The following KAZN variants were observed in gnomAD, a reference collection of about 807,000 sequenced individuals.
KAZN encodes the protein kazrin, periplakin interacting protein.
A neutral mutation model predicts 87.4 loss-of-function variants in KAZN; 40 were observed. That is an observed-to-expected ratio of 0.46 (90% CI 0.36 to 0.60). The LOEUF is 0.60. Among genes scored for constraint, KAZN ranks in the 20% least tolerant of loss-of-function variants. The pLI, the probability that KAZN is intolerant of heterozygous loss-of-function variation, is 0.00. For synonymous variants in KAZN, 466 were observed against 458.3 expected, an observed-to-expected ratio of 1.02 and a Z score of -0.22; for missense variants, 898 against 1,073.9, an observed-to-expected ratio of 0.84 and a Z score of 2.29.
intron 8 of KAZN, among the ~76,000 whole-genome samples, chr1:15,079,801 G>A (rs1301034151): frequency 6.6e-6 from 1 of 152,224 alleles, no homozygotes; most frequent in South Asian, 2.1e-4. Context: ...GGCTTCGGCT[G>A]CACTTGCAAT....
At chr1:14,637,762 T>C (rs1394068714) in intron 1 of KAZN, among the ~76,000 whole-genome samples, 1 of 151,864 alleles carries the variant, frequency 6.6e-6, no homozygotes, top group Non-Finnish European at 1.5e-5. Context: ...AAAATATGTA[T>C]AGATGTACAT....
chr1:14,378,225 T>C (rs1224566493), intron 2 of KAZN, among the ~76,000 whole-genome samples: 1 of 152,174 alleles, frequency 6.6e-6, no homozygotes, highest in Non-Finnish European at 1.5e-5. Context: ...AATATGCTTA[T>C]CAGTAATGGG....
chr1:14,371,836 G>A (rs185082733), intron 2 of KAZN, among the ~76,000 whole-genome samples: 29 of 152,328 alleles, frequency 1.9e-4, no homozygotes, highest in Admixed American at 1.6e-3. Context: ...AGGCAAGGCA[G>A]GGATGCACTC....
intron 1 of KAZN, among the ~76,000 whole-genome samples, chr1:14,864,497 G>T (rs983704191): frequency 2.6e-5 from 4 of 152,214 alleles, no homozygotes; most frequent in Non-Finnish European, 4.4e-5. Context: ...GGGAGGTGGA[G>T]GTTGCAGTGA....
At chr1:15,063,346 G>A in intron 6 of KAZN, 1 of 579,234 alleles carries the variant, frequency 1.7e-6, no homozygotes, top group South Asian at 2.1e-5. Flanking sequence ...GGCCAGACTG[G>A]GCAGGAGAGG....
intron 1 of KAZN, among the ~76,000 whole-genome samples, chr1:13,907,665 C>T (rs1340545476): frequency 6.6e-6 from 1 of 152,182 alleles, no homozygotes; most frequent in African/African-American, 2.4e-5. Flanking sequence ...AATAGCCCTT[C>T]CACAAACAAC....
intron 3 of KAZN, among the ~76,000 whole-genome samples, chr1:15,043,206 A>G (rs111300934): frequency 0.028 from 4,307 of 152,320 alleles, 227 homozygotes; most frequent in African/African-American, 0.098. Flanking sequence ...ACCTTGTGGC[A>G]GTCCAGACAA....
At chr1:14,134,838 C>T (rs6692236) in intron 1 of KAZN, among the ~76,000 whole-genome samples, 3 of 151,784 alleles carry the variant, frequency 2.0e-5, no homozygotes, top group African/African-American at 7.3e-5. Context: ...GCAATAAAGA[C>T]GGAAAATGGA....
chr1:14,097,365 A>C (rs1644151745), intron 1 of KAZN, among the ~76,000 whole-genome samples: 1 of 152,216 alleles, frequency 6.6e-6, no homozygotes, highest in Admixed American at 6.5e-5. Flanking sequence ...CACAAAGTGA[A>C]AAGGCCATTG....
chr1:13,945,679 T>TGTG (rs1553177121), intron 1 of KAZN, among the ~76,000 whole-genome samples: 13 of 123,402 alleles, frequency 1.1e-4, no homozygotes, highest in South Asian at 8.5e-4. Context: ...TGCTCTCAGT[T>TGTG]TGTGTGTGTG....
chr1:14,558,012 G>A (rs115578432), intron 2 of KAZN, among the ~76,000 whole-genome samples: 1,584 of 152,306 alleles, frequency 0.01, 24 homozygotes, highest in African/African-American at 0.035. Context: ...AAACTCTGAT[G>A]TCCAAAGGGA....
chr1:14,095,585 G>C (rs906457476), intron 1 of KAZN, among the ~76,000 whole-genome samples: 1 of 152,080 alleles, frequency 6.6e-6, no homozygotes, highest in Non-Finnish European at 1.5e-5. Flanking sequence ...AAATGGCAGG[G>C]GGCTGGAATC....
At chr1:14,657,867 CCTG>C (rs1160633376) in intron 1 of KAZN, among the ~76,000 whole-genome samples, 1 of 152,164 alleles carries the variant, frequency 6.6e-6, no homozygotes, top group Non-Finnish European at 1.5e-5. Flanking sequence ...TTGTTAGTCT[CCTG>C]CTCCTAGTTT....
chr1:14,863,923 C>CA (rs1480934725), intron 1 of KAZN, among the ~76,000 whole-genome samples: 4 of 152,042 alleles, frequency 2.6e-5, no homozygotes, highest in African/African-American at 7.3e-5. Flanking sequence ...GAACTACAGC[C>CA]TGAGTTGGGG....
intron 1 of KAZN, among the ~76,000 whole-genome samples, chr1:14,698,679 G>A (rs1275595427): frequency 6.6e-6 from 1 of 152,194 alleles, no homozygotes; most frequent in Non-Finnish European, 1.5e-5. Flanking sequence ...TTTGTGTAAC[G>A]TCTACCTCTG....
Position 14,599,175 on chromosome 1 carries a change from G to T in KAZN, c.178G>T (p.Gly60Trp). 2 of 1,380,202 alleles carry T rather than the reference G, an allele frequency of 1.4e-6. No homozygotes were observed. The highest frequency in any genetic ancestry group is 1.9e-5 in the South Asian group (1 of 52,726). The allele number at this position is 1,380,202 out of a possible 1,614,324, so 85.5% of individuals were successfully genotyped here. ...AGCCGCGGCCAGCGCCTCGGCGGCG[G>T]GGGACTCGGCGGCGACGAACATGGA... ...PGAAASASAAGDSAATNMENP... is the reference protein window; with the variant it reads ...PGAAASASAAWDSAATNMENP... Residue 60 changes from glycine (G) to tryptophan (W), a missense_variant, in exon 1 of 15, where the codon GGG becomes TGG. Physicochemically the swap from Gly to Trp is radical, Grantham distance 184 (BLOSUM62 -2). Transcript: ENST00000376030. The surrounding 1 kb of genome is among the most constrained non-coding windows in gnomAD (Gnocchi z 4.4).
chr1:14,484,004 G>T (rs77296738), intron 2 of KAZN, among the ~76,000 whole-genome samples: 1 of 152,166 alleles, frequency 6.6e-6, no homozygotes, highest in Non-Finnish European at 1.5e-5. Context: ...TTCCAGTACC[G>T]TTTATTAAAG....
chr1:14,635,253 C>T (rs748256554), intron 1 of KAZN, among the ~76,000 whole-genome samples: 2 of 152,206 alleles, frequency 1.3e-5, no homozygotes, highest in Non-Finnish European at 2.9e-5. Context: ...CGTTGTTGGG[C>T]TAGTCCTTCA....
chr1:14,640,764 C>T (rs1680356204), intron 1 of KAZN, among the ~76,000 whole-genome samples: 1 of 152,214 alleles, frequency 6.6e-6, no homozygotes, highest in African/African-American at 2.4e-5. Context: ...GCCTGGATAA[C>T]TCTTTGCCTT....
Sources: allele counts gnomAD v4.1 joint callset (sites outside exome capture counted in the v4.1 genomes callset), GRCh38; gene constraint gnomAD v4.1.1; non-coding constraint Gnocchi (gnomAD v3.1); transcripts MANE v1.5; gene names NCBI Gene and HGNC (gene_info 2026-07-23, HGNC 2026-07-21).